TENM2: variants seen among roughly 807,000 people sequenced by gnomAD.
TENM2 encodes teneurin-2.
Under a neutral mutation model 245.2 loss-of-function variants are expected in TENM2, and 52 were observed. That is an observed-to-expected ratio of 0.21 (90% CI 0.17 to 0.27). TENM2 has a LOEUF of 0.27. Among genes scored for constraint, TENM2 ranks in the 10% least tolerant of loss-of-function variants. The pLI, the probability that TENM2 is intolerant of heterozygous loss-of-function variation, is 1.00. For synonymous variants in TENM2, 1,363 were observed against 1,438.9 expected (o/e 0.95, Z 1.19); for missense variants, 3,046 against 3,666.8 (o/e 0.83, Z 4.37).
chr5:167,864,118 G>C (rs1198917496), intron 2 of TENM2, among the ~76,000 whole-genome samples: 1 of 152,130 alleles, frequency 6.6e-6, no homozygotes, highest in Non-Finnish European at 1.5e-5. Flanking sequence ...CTGTGAGCGT[G>C]GGCAGCATAG....
intron 4 of TENM2, among the ~76,000 whole-genome samples, chr5:167,953,630 G>C (rs1430045648): frequency 2.0e-5 from 3 of 152,180 alleles, no homozygotes; most frequent in Non-Finnish European, 4.4e-5. Flanking sequence ...GCACATTCTT[G>C]GTTTGTGTGT....
intron 3 of TENM2, among the ~76,000 whole-genome samples, chr5:167,919,781 T>C (rs1446309868): frequency 6.6e-6 from 1 of 152,166 alleles, no homozygotes; most frequent in Non-Finnish European, 1.5e-5. Flanking sequence ...AATGTATGAG[T>C]GCCTATCAGA....
intron 2 of TENM2, among the ~76,000 whole-genome samples, chr5:167,419,129 G>GTAGATGGATAGATAGATAGA (rs140094893): frequency 1.8e-4 from 27 of 150,280 alleles, no homozygotes; most frequent in Admixed American, 1.5e-3. Flanking sequence ...AGATGTGTAT[G>GTAGATGGATAGATAGATAGA]TAGATAGATA....
chr5:168,236,955 TATATATATATATATATATATATATATATA>T (rs1765492710), intron 25 of TENM2, among the ~76,000 whole-genome samples: 1 of 4,142 alleles, frequency 2.4e-4, no homozygotes, highest in Non-Finnish European at 7.6e-4. Context: ...TATATATATA[TATATATATATATATATATATATATATATA>T]TATATATATA....
chr5:168,161,975 G>A (rs942775729), intron 12 of TENM2, among the ~76,000 whole-genome samples: 7 of 152,044 alleles, frequency 4.6e-5, no homozygotes, highest in Middle Eastern at 3.4e-3. Flanking sequence ...CACAGCCTTC[G>A]AATCCTGCAG....
the TENM2 span, among the ~76,000 whole-genome samples, chr5:167,025,412 T>C: frequency 1.3e-5 from 2 of 152,196 alleles, no homozygotes; most frequent in African/African-American, 4.8e-5. Flanking sequence ...ATATACAAGT[T>C]GTTCATCACA....
chr5:167,965,531 A>G (rs1705909619), intron 4 of TENM2: 2 of 152,242 alleles, frequency 1.3e-5, no homozygotes, highest in South Asian at 4.2e-4. Context: ...GCAGTAAGCT[A>G]TGATCACACC....
In TENM2 at chr5:168,254,375, A is replaced by G. The variant is rs1767441322; in HGVS notation, c.7433-5908A>G. The stretch of plus-strand genomic sequence containing the variant: ...CGGAGTCACTAGAATAAACATTTCC[A>G]AAGGGATTGAGGCTCAGAAACCAGC... On this transcript the variant is annotated intron_variant, in intron 27 of 28. Transcript: ENST00000518659. Among the ~76,000 whole-genome samples, 2 of 152,166 alleles carry G rather than the reference A, an allele frequency of 1.3e-5. 1 individual carries two copies.
chr5:167,056,556 T>C, the TENM2 span, among the ~76,000 whole-genome samples: 1 of 145,126 alleles, frequency 6.9e-6, no homozygotes, highest in Non-Finnish European at 1.5e-5. Flanking sequence ...TATAAATATA[T>C]ATCTATATAA....
chr5:167,869,632 T>C (rs1172969763), intron 2 of TENM2, among the ~76,000 whole-genome samples: 1 of 152,204 alleles, frequency 6.6e-6, no homozygotes, highest in Non-Finnish European at 1.5e-5. Flanking sequence ...GGCATTGTTA[T>C]CAGGGCACCT....
At chr5:167,770,833 A>G (rs1402453962) in intron 2 of TENM2, among the ~76,000 whole-genome samples, 1 of 152,148 alleles carries the variant, frequency 6.6e-6, no homozygotes, top group African/African-American at 2.4e-5. Context: ...TGGGTCTCTA[A>G]GACTCAGAGG....
chr5:167,866,513 A>T (rs1393514133), intron 2 of TENM2, among the ~76,000 whole-genome samples: 1 of 151,946 alleles, frequency 6.6e-6, no homozygotes, highest in Non-Finnish European at 1.5e-5. Context: ...AAAAAAAAAA[A>T]AAAGTATTTG....
chr5:168,203,614 T>C (rs558165873), intron 17 of TENM2, 75 bp from the exon 20 acceptor site: 2 of 1,407,186 alleles, frequency 1.4e-6, no homozygotes, highest in South Asian at 3.1e-5. Flanking sequence ...CTTCTCATTC[T>C]TGCTACAGAG....
At chr5:168,071,806 GC>G (rs1301340431) in intron 7 of TENM2, among the ~76,000 whole-genome samples, 1 of 152,188 alleles carries the variant, frequency 6.6e-6, no homozygotes, top group Non-Finnish European at 1.5e-5. Flanking sequence ...CATGAGAGCA[GC>G]TCACATTAAT....
At chr5:167,260,695 A>T in the TENM2 span, among the ~76,000 whole-genome samples, 1 of 152,318 alleles carries the variant, frequency 6.6e-6, no homozygotes, top group Admixed American at 6.5e-5. Context: ...ATGAACACAT[A>T]TTTTCTGCCT....
chr5:167,837,831 C>G (rs984941730), intron 2 of TENM2, among the ~76,000 whole-genome samples: 3 of 151,934 alleles, frequency 2.0e-5, no homozygotes, highest in African/African-American at 7.3e-5. Flanking sequence ...CACCTTCACG[C>G]TCTTACGCAT....
chr5:167,481,305 G>T (rs1212688845), intron 2 of TENM2, among the ~76,000 whole-genome samples: 2 of 152,128 alleles, frequency 1.3e-5, no homozygotes, highest in Non-Finnish European at 2.9e-5. Context: ...GCTGAAAATA[G>T]ATTTACCTCT....
At chr5:168,053,227 G>T (rs1053579072) in intron 6 of TENM2, among the ~76,000 whole-genome samples, 6 of 152,166 alleles carry the variant, frequency 3.9e-5, no homozygotes, top group Admixed American at 1.3e-4. Flanking sequence ...GTTCTACATT[G>T]TTGCAGATGG....
rs1406567022 is a variant in TENM2 at position 167,801,134 on chromosome 5, ATATATATATATATATATATG to A, written c.503-74844_503-74825del. ...AATATATATATATATATATATATATATATATATATATATATATATGTATATATTCCCCAGGGTCAAAGTGT... is the reference window on the plus strand; with the variant it reads ...AATATATATATATATATATATATATATATATATTCCCCAGGGTCAAAGTGT... On this transcript the variant is annotated intron_variant, in intron 2 of 28. Transcript: ENST00000518659. 7.1e-4 allele frequency among the ~76,000 whole-genome samples: 75 copies of A among 105,596 alleles called. 1 individual carries two copies. Among genetic ancestry groups the A allele is most frequent in the East Asian group, 2.8e-3 (11 of 3,964 alleles). 69.3% of individuals were successfully genotyped at this position (105,596 alleles called of 152,430 possible). A position where few individuals can be genotyped will look rare whatever the true frequency, so the allele number is the denominator to read the frequency against.
Sources: allele counts gnomAD v4.1 joint callset (sites outside exome capture counted in the v4.1 genomes callset), GRCh38; gene constraint gnomAD v4.1.1; transcripts MANE v1.5; gene names NCBI Gene and HGNC (gene_info 2026-07-23, HGNC 2026-07-21).